Variants in NOL4L observed in about 807,000 individuals in gnomAD.
NOL4L encodes the protein nucleolar protein 4 like, also known as nucleolar protein 4-like.
A neutral mutation model predicts 64.5 loss-of-function variants in NOL4L; 7 were observed. The observed-to-expected ratio is 0.11, with a 90% CI of 0.06 to 0.20. The LOEUF (loss-of-function observed/expected upper bound fraction) is 0.20. Among genes scored for constraint, NOL4L ranks in the 10% least tolerant of loss-of-function variants. NOL4L has a pLI of 1.00. For synonymous variants in NOL4L, 413 were observed against 401.0 expected, an observed-to-expected ratio of 1.03 and a Z score of -0.36; for missense variants, 680 against 967.1, an observed-to-expected ratio of 0.70 and a Z score of 3.94.
chr20:32,483,556 A>AGCAGCGGCG lies in NOL4L; in HGVS notation c.700-8823_700-8815dup, dbSNP rs1378459235. 2.2e-4 allele frequency: 207 copies of AGCAGCGGCG among 961,966 alleles called. 1 individual carries two copies. Among genetic ancestry groups the AGCAGCGGCG allele is most frequent in the African/African-American group, 1.2e-3 (58 of 49,600 alleles). 59.6% of individuals were successfully genotyped at this position (961,966 alleles called of 1,614,324 possible). A position where few individuals can be genotyped will look rare whatever the true frequency, so the allele number is the denominator to read the frequency against. On this transcript the variant is annotated intron_variant, in intron 4 of 10. Transcript: ENST00000621426. ...GGTGGCCAGGAGGAGGGCCCAGGCG[A>AGCAGCGGCG]GCAGCGGCGGCAGCGGCGGCGGCGC... is the stretch of plus-strand genomic sequence containing the variant.
intron 1 of NOL4L, among the ~76,000 whole-genome samples, chr20:32,569,378 G>A (rs1979627071): frequency 6.6e-6 from 1 of 152,180 alleles, no homozygotes; most frequent in African/African-American, 2.4e-5. Flanking sequence ...AACAGAGAAG[G>A]AACATGGTCA....
At chr20:32,451,945 C>T (rs997014148) in intron 10 of NOL4L, among the ~76,000 whole-genome samples, 4 of 152,154 alleles carry the variant, frequency 2.6e-5, no homozygotes, top group Non-Finnish European at 4.4e-5. Flanking sequence ...CAGTGAGAGG[C>T]GCCGGTAGTG....
chr20:32,481,834 C>T (rs924799408), intron 4 of NOL4L, among the ~76,000 whole-genome samples: 3 of 152,154 alleles, frequency 2.0e-5, no homozygotes, highest in African/African-American at 2.4e-5. Flanking sequence ...GTCCAGAATC[C>T]GGCCTGTGTC....
rs11340689 is a variant in NOL4L, at chr20:32,489,125, A to AT, written c.700-14384dup. On this transcript the variant is annotated intron_variant, in intron 4 of 10. Transcript: ENST00000621426. The stretch of plus-strand genomic sequence containing the variant: ...AAATTTTACATTTTTATATCATCTG[A>AT]TTTTTTTTTTTTCCTTTAGGGCTTT... 1.0e-3 allele frequency among the ~76,000 whole-genome samples: 144 copies of AT among 142,182 alleles called. No individual in the cohort carries two copies. The East Asian group carries it at 0.013, about 13-fold the overall frequency. The allele number at this position is 142,182 out of a possible 152,430, so 93.3% of individuals were successfully genotyped here. A position where few individuals can be genotyped will look rare whatever the true frequency, so the allele number is the denominator to read the frequency against.
Position 32,520,848 on chromosome 20 carries a change from C to T in NOL4L, c.552G>A (p.Lys184=). The stretch of plus-strand genomic sequence containing the variant: ...GGCCATTGGAGTTAAAGTGCATCCT[C>T]TTCTGACACTCCGTACAGCTCATCA... ...RFLMSCTECQ[K]RMHFNSNGLE... Residue 184 remains lysine (K), a synonymous_variant, in exon 3 of 11, where the codon AAG becomes AAA. Transcript: ENST00000621426. 2 of 1,550,814 alleles carry T rather than the reference C, an allele frequency of 1.3e-6. No individual in the cohort carries two copies. Among genetic ancestry groups the T allele is most frequent in the Non-Finnish European group, 1.7e-6 (2 of 1,147,018 alleles).
chr20:32,494,583 A>C (rs968084847), intron 4 of NOL4L, among the ~76,000 whole-genome samples: 16 of 152,184 alleles, frequency 1.1e-4, no homozygotes, highest in Non-Finnish European at 1.8e-4. Flanking sequence ...ACTGTGAACC[A>C]GTTTTCTTGA....
At chr20:32,509,095 C>T (rs961418590) in intron 4 of NOL4L, among the ~76,000 whole-genome samples, 2 of 152,192 alleles carry the variant, frequency 1.3e-5, no homozygotes, top group East Asian at 3.9e-4. Flanking sequence ...TCCAAGCCCA[C>T]CCTAAGTACC....
At chr20:32,468,158 G>A (rs980459774) in intron 5 of NOL4L, among the ~76,000 whole-genome samples, 4 of 152,136 alleles carry the variant, frequency 2.6e-5, no homozygotes, top group Non-Finnish European at 2.9e-5. Context: ...ACCATACTTC[G>A]GGGAAGGGCC....
At chr20:32,474,825 C>A in intron 4 of NOL4L, 83 bp from the exon 5 acceptor site, 1 of 1,478,126 alleles carries the variant, frequency 6.8e-7, no homozygotes, top group Non-Finnish European at 9.0e-7. Context: ...GACCCCAGGG[C>A]CAGTGGGCGT....
At chr20:32,513,633 CAGG>C (rs1433331518) in intron 3 of NOL4L, among the ~76,000 whole-genome samples, 8 of 152,114 alleles carry the variant, frequency 5.3e-5, no homozygotes, top group Non-Finnish European at 8.8e-5. Flanking sequence ...GAGGCAGAGG[CAGG>C]AGGACTGCTT....
intron 2 of NOL4L, among the ~76,000 whole-genome samples, chr20:32,524,084 C>A (rs752196266): frequency 1.3e-5 from 2 of 152,198 alleles, no homozygotes; most frequent in Non-Finnish European, 2.9e-5. Flanking sequence ...ATCTGACCTA[C>A]CAGCACCCTG....
intron 1 of NOL4L, among the ~76,000 whole-genome samples, chr20:32,573,165 G>A (rs926727933): frequency 2.0e-5 from 3 of 151,730 alleles, no homozygotes; most frequent in Non-Finnish European, 4.4e-5. Context: ...CAGGCATGGC[G>A]CCACCATGCC....
At chr20:32,537,425 C>A (rs1405092607) in intron 1 of NOL4L, among the ~76,000 whole-genome samples, 3 of 152,244 alleles carry the variant, frequency 2.0e-5, no homozygotes, top group African/African-American at 7.2e-5. Context: ...CTACTGTGTG[C>A]CAAGCACTCA....
chr20:32,576,659 G>A (rs1980126759), intron 1 of NOL4L, among the ~76,000 whole-genome samples: 1 of 152,156 alleles, frequency 6.6e-6, no homozygotes, highest in African/African-American at 2.4e-5. Context: ...ACAACCACGT[G>A]GGTGAGAGGA....
At chr20:32,568,954 G>C in intron 1 of NOL4L, among the ~76,000 whole-genome samples, 1 of 152,150 alleles carries the variant, frequency 6.6e-6, no homozygotes, top group Non-Finnish European at 1.5e-5. Flanking sequence ...GGAGAAAACT[G>C]AGGCACAAAA....
intron 3 of NOL4L, among the ~76,000 whole-genome samples, chr20:32,517,173 C>G (rs293569): frequency 6.6e-6 from 1 of 152,056 alleles, no homozygotes; most frequent in Non-Finnish European, 1.5e-5. Flanking sequence ...GGGGAGAGAC[C>G]GCTGAGCAAA....
rs529594305 is a variant in NOL4L at position 32,484,498 on chromosome 20, C to G, written c.700-9756G>C. 6.9e-3 allele frequency among the ~76,000 whole-genome samples: 1,052 copies of G among 152,188 alleles called. 9 individuals are homozygous for G. Among genetic ancestry groups the G allele is most frequent in the African/African-American group, 0.023 (972 of 41,536 alleles). On this transcript the variant is annotated intron_variant, in intron 4 of 10. Transcript: ENST00000621426. The stretch of plus-strand genomic sequence containing the variant: ...ACACCCCCTCCGCCCTCCTCCCCGC[C>G]CCCCGCGGGCACCCGAGTGTCCGGG...
chr20:32,556,513 C>A (rs1399633784), intron 1 of NOL4L, among the ~76,000 whole-genome samples: 1 of 152,186 alleles, frequency 6.6e-6, no homozygotes, highest in Admixed American at 6.5e-5. Context: ...AATTTCCCTT[C>A]TCCAAAAGCT....
chr20:32,487,781 T>G (rs954290155), intron 4 of NOL4L, among the ~76,000 whole-genome samples: 1 of 152,128 alleles, frequency 6.6e-6, no homozygotes, highest in African/African-American at 2.4e-5. Context: ...GGGAGGCCAG[T>G]GAGGAGGTCT....
Sources: gnomAD v4.1 joint callset for allele counts (sites outside exome capture counted in the v4.1 genomes callset) on GRCh38, gnomAD v4.1.1 for gene constraint, MANE v1.5 for transcripts, NCBI Gene and HGNC (gene_info 2026-07-23, HGNC 2026-07-21) for gene names.